TFAP2D: variants seen among roughly 807,000 people sequenced by gnomAD.
The protein encoded by TFAP2D is transcription factor AP-2 delta.
In TFAP2D, 9 loss-of-function variants were observed where a neutral mutation model predicts 43.6. The observed-to-expected ratio is 0.21, with a 90% CI of 0.12 to 0.36. The LOEUF (loss-of-function observed/expected upper bound fraction) is 0.36. Ranked by LOEUF, TFAP2D falls within the 10% of genes least tolerant of loss-of-function variation. TFAP2D has a pLI of 1.00. For missense variants in TFAP2D, 513 were observed against 561.4 expected (o/e 0.91, Z 0.87); for synonymous variants, 256 against 224.9 (o/e 1.14, Z -1.24).
chr6:50,764,401 T>A (rs1427223822), intron 7 of TFAP2D, among the ~76,000 whole-genome samples: 2 of 152,292 alleles, frequency 1.3e-5, no homozygotes, highest in Admixed American at 1.3e-4. Context: ...TTCTCATTCT[T>A]GGAACAAAAC....
intron 7 of TFAP2D, among the ~76,000 whole-genome samples, chr6:50,755,496 C>G (rs1017305847): frequency 6.7e-6 from 1 of 149,772 alleles, no homozygotes; most frequent in Non-Finnish European, 1.5e-5. Context: ...TTCAGTAGTT[C>G]TAGGGCTGGA....
At chr6:50,755,050 G>A (rs1223655714) in intron 7 of TFAP2D, among the ~76,000 whole-genome samples, 2 of 151,904 alleles carry the variant, frequency 1.3e-5, no homozygotes, top group South Asian at 4.1e-4. Flanking sequence ...ATGCAGTAAA[G>A]CTTTCCTGTA....
Position 50,724,095 on chromosome 6 carries a change from G to C in TFAP2D, c.599-4761G>C, listed in dbSNP as rs182599324. Among the ~76,000 whole-genome samples the C allele has an allele frequency of 8.4e-3, 1,268 of 151,734 alleles. 54 individuals are homozygous for C. The highest frequency in any genetic ancestry group is 0.019 in the East Asian group (98 of 5,144). ...GATTACAATTAATATCTGCTGCCGTGGGGGGAGAGGTAACATGGGGGGAGG... is the reference window on the plus strand; with the variant it reads ...GATTACAATTAATATCTGCTGCCGTCGGGGGAGAGGTAACATGGGGGGAGG... On this transcript the variant is annotated intron_variant, in intron 3 of 7. Transcript: ENST00000008391.
rs1416567218 is a variant in TFAP2D at position 50,742,123 on chromosome 6, T to C, written c.884-2984T>C. 2.6e-5 allele frequency among the ~76,000 whole-genome samples: 4 copies of C among 152,128 alleles called. No homozygotes were observed. In the East Asian group the frequency reaches 7.7e-4, roughly 29 times the overall value. On this transcript the variant is annotated intron_variant, in intron 5 of 7. Transcript: ENST00000008391. ...TGTCATTGTTTCTGAATACCATGTGTATTTTAATTAATGGATGCATTTATT... is the reference window on the plus strand; with the variant it reads ...TGTCATTGTTTCTGAATACCATGTGCATTTTAATTAATGGATGCATTTATT...
chr6:50,731,451 C>T (rs965881473), intron 5 of TFAP2D, among the ~76,000 whole-genome samples: 2 of 67,168 alleles, frequency 3.0e-5, no homozygotes, highest in Admixed American at 1.2e-4. Flanking sequence ...CACTTTCATA[C>T]ACACACACAC....
At position 50,714,104 on chromosome 6, in the gene TFAP2D, C is replaced by CTTTTTTT; in HGVS notation, c.39+24_39+30dup. 4 of 1,398,974 alleles carry CTTTTTTT rather than the reference C, an allele frequency of 2.9e-6. No homozygotes were observed. Among genetic ancestry groups the CTTTTTTT allele is most frequent in the Non-Finnish European group, 2.8e-6 (3 of 1,064,874 alleles). 86.7% of individuals were successfully genotyped at this position (1,398,974 alleles called of 1,614,324 possible). A position where few individuals can be genotyped will look rare whatever the true frequency, so the allele number is the denominator to read the frequency against. ...AGTCCACGATGCCGAGGTATTATTA[C>CTTTTTTT]TTTTTTTTTTTTTTTTTTTTGAGCG... On this transcript the variant is annotated intron_variant, in intron 1 of 7. Coordinates refer to ENST00000008391, the MANE Select transcript of TFAP2D (RefSeq NM_172238.4).
intron 3 of TFAP2D, among the ~76,000 whole-genome samples, chr6:50,719,968 G>A (rs568283844): frequency 6.6e-6 from 1 of 152,294 alleles, no homozygotes; most frequent in Non-Finnish European, 1.5e-5. Flanking sequence ...AGAGCCTTAA[G>A]GCAGTGCAGA....
intron 3 of TFAP2D, among the ~76,000 whole-genome samples, chr6:50,719,976 A>G (rs1324658148): frequency 1.3e-5 from 2 of 152,204 alleles, no homozygotes; most frequent in Non-Finnish European, 2.9e-5. Flanking sequence ...AAGGCAGTGC[A>G]GATTTTGCTA....
rs1209485929 is a variant in TFAP2D, at chr6:50,751,236, C to T, written c.1051C>T (p.Leu351Phe). Residue 351 changes from leucine (L) to phenylalanine (F), a missense_variant, in exon 7 of 8, where the codon CTC becomes TTC. Leu to Phe is a conservative substitution (Grantham distance 22). Coordinates refer to ENST00000008391, the MANE Select transcript of TFAP2D (RefSeq NM_172238.4). ...ACAAATCTGTAAAGAATTCCAAGAC[C>T]TCTTGAGCCAAGATAGATCACCACT... is the stretch of plus-strand genomic sequence containing the variant. ...TKQICKEFQD[L>F]LSQDRSPLGS... is the part of the protein sequence containing the mutation. 1.2e-6 allele frequency: 2 copies of T among 1,610,436 alleles called. No individual in the cohort carries two copies. The highest frequency in any genetic ancestry group is 2.2e-5 in the East Asian group (1 of 44,750).
intron 7 of TFAP2D, among the ~76,000 whole-genome samples, chr6:50,766,954 C>T (rs1188569367): frequency 6.6e-6 from 1 of 152,100 alleles, no homozygotes; most frequent in Non-Finnish European, 1.5e-5. Context: ...AGGCGTGAGC[C>T]ACCGTGCCCG....
At chr6:50,754,311 T>C (rs1356255128) in intron 7 of TFAP2D, among the ~76,000 whole-genome samples, 1 of 151,848 alleles carries the variant, frequency 6.6e-6, no homozygotes, top group Non-Finnish European at 1.5e-5. Context: ...ATTTTCTTCC[T>C]TTTAAGGATG....
intron 7 of TFAP2D, among the ~76,000 whole-genome samples, chr6:50,772,443 T>A (rs1769542667): frequency 6.6e-6 from 1 of 152,136 alleles, no homozygotes; most frequent in African/African-American, 2.4e-5. Context: ...TAACGACAAG[T>A]CTTCCAAACT....
chr6:50,720,986 G>A (rs985325191), intron 3 of TFAP2D, among the ~76,000 whole-genome samples: 20 of 152,174 alleles, frequency 1.3e-4, no homozygotes, highest in Non-Finnish European at 2.5e-4. Context: ...GAGTTAGAGA[G>A]GAAGAGGCTT....
At chr6:50,729,443 C>T in intron 5 of TFAP2D, 131 bp downstream of exon 5, 5 of 664,594 alleles carry the variant, frequency 7.5e-6, no homozygotes, top group Non-Finnish European at 1.3e-5. Context: ...AGGTAAATTT[C>T]CTAAATTATC....
At chr6:50,714,845 G>A (rs970198938) in intron 1 of TFAP2D, among the ~76,000 whole-genome samples, 4 of 152,062 alleles carry the variant, frequency 2.6e-5, no homozygotes, top group African/African-American at 9.7e-5. Context: ...GTGTGTGTGC[G>A]TGTGTGGTGT....
At chr6:50,766,958 G>A (rs1019661994) in intron 7 of TFAP2D, among the ~76,000 whole-genome samples, 2 of 152,072 alleles carry the variant, frequency 1.3e-5, no homozygotes, top group African/African-American at 4.8e-5. Context: ...GTGAGCCACC[G>A]TGCCCGGCCT....
chr6:50,751,693 T>C (rs904975921), intron 7 of TFAP2D, among the ~76,000 whole-genome samples: 18 of 151,862 alleles, frequency 1.2e-4, no homozygotes, highest in Admixed American at 4.0e-4. Flanking sequence ...CCTCATAAGC[T>C]AATCACCTCC....
chr6:50,746,605 A>G (rs1769128088), intron 6 of TFAP2D, among the ~76,000 whole-genome samples: 1 of 152,190 alleles, frequency 6.6e-6, no homozygotes, highest in Non-Finnish European at 1.5e-5. Flanking sequence ...TTAGAAACTG[A>G]TAACAAGTAA....
intron 5 of TFAP2D, among the ~76,000 whole-genome samples, chr6:50,734,367 A>G (rs908419074): frequency 6.6e-6 from 1 of 152,108 alleles, no homozygotes; most frequent in African/African-American, 2.4e-5. Context: ...AATAAAGACC[A>G]TCATATCTAT....
Sources: allele counts gnomAD v4.1 joint callset (sites outside exome capture counted in the v4.1 genomes callset), GRCh38; gene constraint gnomAD v4.1.1; transcripts MANE v1.5; gene names NCBI Gene and HGNC (gene_info 2026-07-23, HGNC 2026-07-21).